BNC2: variants seen among roughly 807,000 people sequenced by gnomAD.
BNC2 encodes the protein zinc finger protein basonuclin-2.
A neutral mutation model predicts 76.3 loss-of-function variants in BNC2; 20 were observed. The observed-to-expected ratio is 0.26, with a 90% CI of 0.18 to 0.38. The LOEUF (loss-of-function observed/expected upper bound fraction) is 0.38. BNC2 is among the 10% of genes least tolerant of loss of function. The pLI is 1.00. For synonymous variants in BNC2, 582 were observed against 514.8 expected (o/e 1.13, Z -1.77); for missense variants, 1,382 against 1,399.8 (o/e 0.99, Z 0.20).
At chr9:16,694,788 C>A (rs140087183) in intron 3 of BNC2, among the ~76,000 whole-genome samples, 57 of 152,162 alleles carry the variant, frequency 3.7e-4, no homozygotes, top group African/African-American at 1.3e-3. Flanking sequence ...ACTACACAAT[C>A]CCCCCTCCAA....
At chr9:16,546,447 C>A (rs371081886) in intron 5 of BNC2, among the ~76,000 whole-genome samples, 120 of 152,242 alleles carry the variant, frequency 7.9e-4, no homozygotes, top group South Asian at 1.0e-3. Flanking sequence ...CATGGTATAG[C>A]TGAAATCTTA....
intron 5 of BNC2, among the ~76,000 whole-genome samples, chr9:16,548,021 G>A (rs1418792211): frequency 6.6e-6 from 1 of 152,142 alleles, no homozygotes; most frequent in Non-Finnish European, 1.5e-5. Context: ...AATTGTGCTG[G>A]TAAGACACAG....
At chr9:16,730,462 C>A (rs1048142639) in intron 2 of BNC2, among the ~76,000 whole-genome samples, 3 of 152,204 alleles carry the variant, frequency 2.0e-5, no homozygotes, top group Non-Finnish European at 4.4e-5. Flanking sequence ...TCCCCCTAAA[C>A]TGCACAGCTC....
chr9:16,483,126 G>A (rs1822094449), intron 5 of BNC2, among the ~76,000 whole-genome samples: 1 of 152,184 alleles, frequency 6.6e-6, no homozygotes, highest in East Asian at 1.9e-4. Context: ...ATTAATGATG[G>A]TGTGATGGGA....
At chr9:16,655,432 T>C (rs563661817) in intron 3 of BNC2, among the ~76,000 whole-genome samples, 1 of 152,264 alleles carries the variant, frequency 6.6e-6, no homozygotes, top group East Asian at 1.9e-4. Flanking sequence ...GGTAACTATC[T>C]TGGAAATCTC....
chr9:16,760,420 C>A (rs1315478172), intron 1 of BNC2, among the ~76,000 whole-genome samples: 1 of 151,998 alleles, frequency 6.6e-6, no homozygotes, highest in Non-Finnish European at 1.5e-5. Context: ...AAAGTTCAAC[C>A]CTGCCAGACA....
chr9:16,807,246 G>C (rs1262425746), intron 1 of BNC2, among the ~76,000 whole-genome samples: 3 of 152,106 alleles, frequency 2.0e-5, no homozygotes, highest in Non-Finnish European at 4.4e-5. Flanking sequence ...GAATGAATAA[G>C]AATAATGGCA....
At chr9:16,724,541 A>T (rs1317129466) in intron 3 of BNC2, among the ~76,000 whole-genome samples, 1 of 152,112 alleles carries the variant, frequency 6.6e-6, no homozygotes, top group Non-Finnish European at 1.5e-5. Context: ...ATCATACTTG[A>T]GTATAGAAGA....
At chr9:16,434,914 C>T in intron 6 of BNC2, 1 of 467,788 alleles carries the variant, frequency 2.1e-6, no homozygotes. Context: ...CACGACCATA[C>T]CATTTTCCCA....
chr9:16,467,441 A>C (rs1821717625), intron 5 of BNC2, among the ~76,000 whole-genome samples: 1 of 145,346 alleles, frequency 6.9e-6, no homozygotes, highest in Non-Finnish European at 1.5e-5. Flanking sequence ...CCAAATGTCC[A>C]ACAATGATAG....
At chr9:16,509,357 A>G (rs7856765) in intron 5 of BNC2, among the ~76,000 whole-genome samples, 4,814 of 152,276 alleles carry the variant, frequency 0.032, 261 homozygotes, top group African/African-American at 0.11. Context: ...CATGCAAGGC[A>G]GCTGTTGTCT....
chr9:16,422,938 T>C (rs1429115096), intron 6 of BNC2, among the ~76,000 whole-genome samples: 1 of 152,182 alleles, frequency 6.6e-6, no homozygotes, highest in African/African-American at 2.4e-5. Context: ...ATTACAAGTT[T>C]ATCCGGATCA....
chr9:16,636,380 G>A (rs1821326014), intron 3 of BNC2, among the ~76,000 whole-genome samples: 1 of 151,918 alleles, frequency 6.6e-6, no homozygotes, highest in African/African-American at 2.4e-5. Flanking sequence ...ACAGCTCACT[G>A]CAGCTTCAAA....
At chr9:16,665,487 A>AAAGAAAGG (rs1822262749) in intron 3 of BNC2, among the ~76,000 whole-genome samples, 2 of 142,482 alleles carry the variant, frequency 1.4e-5, no homozygotes. Flanking sequence ...AGAAAGAAAG[A>AAAGAAAGG]AAGAGAGAGA....
intron 2 of BNC2, among the ~76,000 whole-genome samples, chr9:16,736,619 G>A (rs1824679114): frequency 6.6e-6 from 1 of 151,340 alleles, no homozygotes; most frequent in Non-Finnish European, 1.5e-5. Context: ...GAGATTACAG[G>A]TGCACACCAC....
At chr9:16,527,622 G>C (rs944617976) in intron 5 of BNC2, among the ~76,000 whole-genome samples, 13 of 152,176 alleles carry the variant, frequency 8.5e-5, no homozygotes, top group Non-Finnish European at 1.9e-4. Context: ...CAACTGATAG[G>C]TCAAATCACT....
intron 3 of BNC2, among the ~76,000 whole-genome samples, chr9:16,684,212 G>C (rs1822909961): frequency 6.6e-6 from 1 of 152,084 alleles, no homozygotes. Flanking sequence ...TGATGTGTTT[G>C]AAGAACATCA....
At chr9:16,549,341 A>G (rs1411814140) in intron 5 of BNC2, among the ~76,000 whole-genome samples, 1 of 152,242 alleles carries the variant, frequency 6.6e-6, no homozygotes, top group Non-Finnish European at 1.5e-5. Flanking sequence ...ATATGTGGTA[A>G]GACTAACAGC....
intron 3 of BNC2, among the ~76,000 whole-genome samples, chr9:16,614,297 T>C (rs1820634003): frequency 2.6e-5 from 1 of 38,254 alleles, no homozygotes; most frequent in East Asian, 2.6e-3. Flanking sequence ...AAGACCTTAT[T>C]AGCAAGGATG....
Sources: allele counts gnomAD v4.1 joint callset (sites outside exome capture counted in the v4.1 genomes callset), GRCh38; gene constraint gnomAD v4.1.1; transcripts MANE v1.5; gene names NCBI Gene and HGNC (gene_info 2026-07-23, HGNC 2026-07-21).